IFT70B: variants seen among roughly 807,000 people sequenced by gnomAD.
IFT70B encodes the protein intraflagellar transport protein 70B.
the IFT70B span, chr2:177,551,990 T>C: frequency 6.2e-7 from 1 of 1,614,208 alleles, no homozygotes; most frequent in South Asian, 1.1e-5. Context: ...ATTCTATAGC[T>C]GCCTTAAGGT....
chr2:177,550,472 C>T, the IFT70B span: 1 of 243,188 alleles, frequency 4.1e-6, no homozygotes. Context: ...GCAAAGACCC[C>T]TCAAGATACG....
At chr2:177,550,687 A>G in the IFT70B span, 1 of 1,302,060 alleles carries the variant, frequency 7.7e-7, no homozygotes, top group South Asian at 1.5e-5. Flanking sequence ...TGTAACAAAT[A>G]TAAAGATGCC....
At chr2:177,552,465 C>T in the IFT70B span, 21 of 1,611,968 alleles carry the variant, frequency 1.3e-5, no homozygotes, top group East Asian at 4.0e-4. Context: ...GAAGGCGACC[C>T]GGGTGGCCTC....
chr2:177,550,325 A>T, the IFT70B span: 1 of 153,594 alleles, frequency 6.5e-6, no homozygotes, highest in East Asian at 1.9e-4. Flanking sequence ...CCTAAAGTCT[A>T]TATAAAAAGT....
chr2:177,552,203 C>G, the IFT70B span: 4 of 1,614,148 alleles, frequency 2.5e-6, no homozygotes, highest in African/African-American at 4.0e-5. Context: ...AAAGGTCAGG[C>G]TGGTAGCCCG....
the IFT70B span, chr2:177,551,947 C>T: frequency 2.5e-6 from 4 of 1,614,042 alleles, no homozygotes; most frequent in African/African-American, 1.3e-5. Context: ...TCAGTGAGGG[C>T]TTCTTGAGCT....
the IFT70B span, chr2:177,551,267 A>G: frequency 1.2e-6 from 2 of 1,613,642 alleles, no homozygotes; most frequent in Non-Finnish European, 1.7e-6. Context: ...TAGCCAGTAC[A>G]ATAGCACTGA....
the IFT70B span, chr2:177,552,647 C>T: frequency 6.3e-7 from 1 of 1,589,982 alleles, no homozygotes; most frequent in Non-Finnish European, 8.6e-7. Context: ...TAGGGCTCCG[C>T]TGCAGTTCTC....
At chr2:177,552,320 A>C in the IFT70B span, 4 of 1,613,846 alleles carry the variant, frequency 2.5e-6, no homozygotes, top group Non-Finnish European at 2.5e-6. Flanking sequence ...TCTCGCCCCC[A>C]CTTTCCTCTC....
chr2:177,549,326 C>A, the IFT70B span: 1 of 152,188 alleles, frequency 6.6e-6, no homozygotes, highest in Non-Finnish European at 1.5e-5. Flanking sequence ...AGCCAAATTT[C>A]CTGGTATAAT....
At chr2:177,549,697 G>A in the IFT70B span, 11 of 152,220 alleles carry the variant, frequency 7.2e-5, no homozygotes, top group Non-Finnish European at 1.5e-4. Flanking sequence ...TGATCAGAAT[G>A]CATGTGGTTC....
the IFT70B span, chr2:177,552,371 C>A: frequency 6.2e-7 from 1 of 1,614,156 alleles, no homozygotes; most frequent in African/African-American, 1.3e-5. Context: ...GGCTCCTGGA[C>A]CCTGGCAGAT....
the IFT70B span, chr2:177,551,908 C>A: frequency 1.2e-6 from 2 of 1,614,186 alleles, no homozygotes; most frequent in Non-Finnish European, 1.7e-6. Flanking sequence ...GTCACAGGGT[C>A]CAACTCTTCC....
chr2:177,551,996 A>T, the IFT70B span: 1 of 1,614,180 alleles, frequency 6.2e-7, no homozygotes, highest in South Asian at 1.1e-5. Flanking sequence ...TAGCTGCCTT[A>T]AGGTTGAAGG....
chr2:177,552,458 G>A, the IFT70B span: 1 of 1,612,628 alleles, frequency 6.2e-7, no homozygotes, highest in South Asian at 1.1e-5. Flanking sequence ...GGAGAAGGAA[G>A]GCGACCCGGG....
chr2:177,551,891 G>C, the IFT70B span: 8 of 1,614,234 alleles, frequency 5.0e-6, no homozygotes. Context: ...GTGCCTGGTT[G>C]TGTAGGGTCA....
chr2:177,552,263 C>G, the IFT70B span: 1 of 1,614,258 alleles, frequency 6.2e-7, no homozygotes, highest in Non-Finnish European at 8.5e-7. Context: ...CATACTGTCC[C>G]TCCTTGTAGA....
At chr2:177,549,652 G>T in the IFT70B span, 1 of 152,208 alleles carries the variant, frequency 6.6e-6, no homozygotes, top group Non-Finnish European at 1.5e-5. Context: ...AAATCAAATA[G>T]TAAGGCTCTT....
chr2:177,551,503 C>T, the IFT70B span: 4 of 1,614,276 alleles, frequency 2.5e-6, no homozygotes, highest in South Asian at 3.3e-5. Flanking sequence ...ATGTATTTCT[C>T]CATGGTTTCA....
Sources: gnomAD v4.1 joint callset for allele counts on GRCh38, gnomAD v4.1.1 for gene constraint, MANE v1.5 for transcripts, NCBI Gene and HGNC (gene_info 2026-07-23, HGNC 2026-07-21) for gene names.